The following ADHFE1 variants were observed in gnomAD, a reference collection of about 807,000 sequenced individuals.
The protein encoded by ADHFE1 is alcohol dehydrogenase iron containing 1, also known as hydroxyacid-oxoacid transhydrogenase, mitochondrial.
In ADHFE1, 37 loss-of-function variants were observed where a neutral mutation model predicts 54.8. The ratio of observed to expected loss-of-function variants is 0.68; its 90% CI spans 0.52 to 0.89. The LOEUF is 0.89. Among genes scored for constraint, ADHFE1 ranks in the 40% least tolerant of loss-of-function variants. The pLI is 0.00. For missense variants in ADHFE1, 601 were observed against 591.2 expected, an observed-to-expected ratio of 1.02 and a Z score of -0.17; for synonymous variants, 203 against 229.3, an observed-to-expected ratio of 0.89 and a Z score of 1.04.
chr8:66,448,391 A>G (rs991078760), intron 7 of ADHFE1, among the ~76,000 whole-genome samples: 1 of 152,198 alleles, frequency 6.6e-6, no homozygotes, highest in African/African-American at 2.4e-5. Flanking sequence ...CAACAGCTCA[A>G]TGAGAGCTGG....
chr8:66,461,389 A>T (rs1210923208), intron 13 of ADHFE1, among the ~76,000 whole-genome samples: 2 of 152,178 alleles, frequency 1.3e-5, no homozygotes, highest in Non-Finnish European at 2.9e-5. Flanking sequence ...CTCACACAGC[A>T]GCCTGCTTGC....
chr8:66,443,280 TTTTTTTTTTTTTTTTTG>T, intron 3 of ADHFE1, among the ~76,000 whole-genome samples: 1 of 59,546 alleles, frequency 1.7e-5, no homozygotes. Flanking sequence ...TTTTTTTTTT[TTTTTTTTTTTTTTTTTG>T]GAGACAGCCT....
In ADHFE1 at chr8:66,432,507, T is replaced by A; in HGVS notation, c.-10T>A. The A allele has an allele frequency of 4.4e-6, 6 of 1,365,050 alleles. No homozygotes were observed. Among genetic ancestry groups the A allele is most frequent in the South Asian group, 1.8e-5 (1 of 56,254 alleles). 84.6% of individuals were successfully genotyped at this position (1,365,050 alleles called of 1,614,324 possible). A position where few individuals can be genotyped will look rare whatever the true frequency, so the allele number is the denominator to read the frequency against. The stretch of plus-strand genomic sequence containing the variant: ...TAGCGACCCGAGGAGGGAAGAGGAC[T>A]CCAAGCGCCATGGCCGCTGCCGCCC... On this transcript the variant is annotated 5_prime_UTR_variant, in exon 1 of 14. Transcript: ENST00000396623.
At chr8:66,461,578 GCAGTGAACAATGT>G (rs1311947398) in intron 13 of ADHFE1, among the ~76,000 whole-genome samples, 1 of 152,046 alleles carries the variant, frequency 6.6e-6, no homozygotes, top group Non-Finnish European at 1.5e-5. Context: ...GTAGAGAATA[GCAGTGAACAATGT>G]CATGTAAGGC....
rs376575356 is a variant in ADHFE1 at position 66,442,767 on chromosome 8, C to A, written c.98-31C>A. On this transcript the variant is annotated intron_variant, in intron 2 of 13. Coordinates refer to ENST00000396623, the MANE Select transcript of ADHFE1 (RefSeq NM_144650.3). ...TAACATTTATGCTTTTTTTTAAAGA[C>A]CCACTTTGATGCTAACTTTTACATT... is the stretch of plus-strand genomic sequence containing the variant. 1.9e-6 allele frequency: 3 copies of A among 1,580,390 alleles called. No homozygotes were observed. In the African/African-American group the frequency reaches 4.1e-5, roughly 22 times the overall value.
chr8:66,439,568 AGCG>A lies in ADHFE1; in HGVS notation c.60-590_60-588del. 1 of 985,666 alleles carries A rather than the reference AGCG, an allele frequency of 1.0e-6. No homozygotes were observed. The highest frequency in any genetic ancestry group is 1.2e-6 in the Non-Finnish European group (1 of 830,274). The allele number at this position is 985,666 out of a possible 1,614,324, so 61.1% of individuals were successfully genotyped here. On this transcript the variant is annotated intron_variant, in intron 1 of 13. Coordinates refer to ENST00000396623, the MANE Select transcript of ADHFE1 (RefSeq NM_144650.3). The surrounding 1 kb of genome is among the most constrained non-coding windows in gnomAD (Gnocchi z 4.4). ...GTGCGCGCAGCTGGGGCCTCTGGGG[AGCG>A]GCGCGGCGGGGACGGAGGAGAGCTC...
intron 6 of ADHFE1, among the ~76,000 whole-genome samples, chr8:66,446,388 T>A (rs1806023863): frequency 6.6e-6 from 1 of 152,230 alleles, no homozygotes; most frequent in African/African-American, 2.4e-5. Context: ...ACAGCAAATA[T>A]GAGTTTTGTT....
At chr8:66,444,993 T>C (rs1563488766) in intron 5 of ADHFE1, among the ~76,000 whole-genome samples, 1 of 151,776 alleles carries the variant, frequency 6.6e-6, no homozygotes, top group African/African-American at 2.4e-5. Context: ...CCCAGCTACT[T>C]GGGAAGCTGA....
intron 10 of ADHFE1, among the ~76,000 whole-genome samples, chr8:66,455,568 T>A (rs1194942207): frequency 6.6e-6 from 1 of 152,202 alleles, no homozygotes; most frequent in Non-Finnish European, 1.5e-5. Flanking sequence ...ACCCAGAGCC[T>A]GAAAAATATT....
intron 13 of ADHFE1, among the ~76,000 whole-genome samples, chr8:66,466,846 G>T (rs947434253): frequency 6.6e-6 from 1 of 152,174 alleles, no homozygotes; most frequent in East Asian, 1.9e-4. Context: ...CCTGAGGCAG[G>T]GTCAACGTTA....
intron 13 of ADHFE1, among the ~76,000 whole-genome samples, chr8:66,465,493 C>T (rs1365942261): frequency 6.6e-6 from 1 of 152,038 alleles, no homozygotes; most frequent in Non-Finnish European, 1.5e-5. Flanking sequence ...TTTTCATGTG[C>T]TTATTGGCTA....
At position 66,456,072 on chromosome 8, in the gene ADHFE1, G is replaced by A. The variant is rs117879412; in HGVS notation, c.987-745G>A. Among the ~76,000 whole-genome samples the A allele has an allele frequency of 1.8e-3, 281 of 152,218 alleles. 9 individuals carry two copies. The East Asian group carries it at 0.047, about 25-fold the overall frequency. On this transcript the variant is annotated intron_variant, in intron 10 of 13. Transcript: ENST00000396623. Reference sequence around the variant, plus strand: ...CTTCCTCACTTGAGCCCAGGAAGTCGAGGCTGCATTGAGCTATGATCACAC... The same window carrying A: ...CTTCCTCACTTGAGCCCAGGAAGTCAAGGCTGCATTGAGCTATGATCACAC...
At chr8:66,434,979 A>AG (rs112639579) in intron 1 of ADHFE1, among the ~76,000 whole-genome samples, 1 of 35,106 alleles carries the variant, frequency 2.8e-5, no homozygotes, top group Non-Finnish European at 5.4e-5. Context: ...ACTGTGTCTC[A>AG]AAAAAAAAAA....
In ADHFE1 at chr8:66,445,339, G is replaced by C; in HGVS notation, c.475G>C (p.Asp159His). The change falls in exon 6 of 14, where the codon GAT becomes CAT. Residue 159 changes from aspartate to histidine, a missense_variant. Coordinates refer to ENST00000396623, the MANE Select transcript of ADHFE1 (RefSeq NM_144650.3). The stretch of plus-strand genomic sequence containing the variant: ...TCTGTATGCATCCAGCCCTCATTCT[G>C]ATTTCCTAGATTATGTCAGTGCCCC... ...ANLYASSPHS[D>H]FLDYVSAPIG... 1 of 1,613,984 alleles carries C rather than the reference G, an allele frequency of 6.2e-7. No individual in the cohort carries two copies. Among genetic ancestry groups the C allele is most frequent in the South Asian group, 1.1e-5 (1 of 91,058 alleles).
intron 1 of ADHFE1, among the ~76,000 whole-genome samples, chr8:66,435,334 G>T (rs914453783): frequency 6.6e-6 from 1 of 152,146 alleles, no homozygotes; most frequent in Admixed American, 6.5e-5. Flanking sequence ...TGAAGCCAAG[G>T]TGTGAGCAGG....
chr8:66,434,524 AG>A (rs1317882126), intron 1 of ADHFE1, among the ~76,000 whole-genome samples: 1 of 152,266 alleles, frequency 6.6e-6, no homozygotes, highest in Non-Finnish European at 1.5e-5. Flanking sequence ...TTATTCTAAT[AG>A]GGTAAACATT....
Position 66,457,173 on chromosome 8 carries a change from A to G in ADHFE1, c.1162+7A>G. 5.0e-6 allele frequency: 8 copies of G among 1,608,874 alleles called. No homozygotes were observed. The highest frequency in any genetic ancestry group is 6.8e-6 in the Non-Finnish European group (8 of 1,176,838). ...GAGATGGCAGAAATACTGGGTATGA[A>G]CCATTACTCAAAATTCTGTGACCGG... On this transcript the variant is annotated splice_region_variant and intron_variant, in intron 12 of 13. Transcript: ENST00000396623.
At chr8:66,449,962 A>C (rs1452615098) in intron 8 of ADHFE1, among the ~76,000 whole-genome samples, 1 of 152,176 alleles carries the variant, frequency 6.6e-6, no homozygotes, top group South Asian at 2.1e-4. Context: ...CCACAAAAAA[A>C]AGTTTTACAA....
chr8:66,467,274 G>T (rs1200589324), intron 13 of ADHFE1, among the ~76,000 whole-genome samples: 1 of 152,110 alleles, frequency 6.6e-6, no homozygotes, highest in East Asian at 1.9e-4. Context: ...ATCAAGTGTG[G>T]CTCCTGGGTT....
Sources: allele counts gnomAD v4.1 joint callset (sites outside exome capture counted in the v4.1 genomes callset), GRCh38; gene constraint gnomAD v4.1.1; non-coding constraint Gnocchi (gnomAD v3.1); transcripts MANE v1.5; gene names NCBI Gene and HGNC (gene_info 2026-07-23, HGNC 2026-07-21).